Variants in DPH6 observed in about 807,000 individuals in gnomAD.
DPH6 encodes diphthine--ammonia ligase.
A neutral mutation model predicts 38.2 loss-of-function variants in DPH6; 33 were observed. The ratio of observed to expected loss-of-function variants is 0.86; its 90% CI spans 0.65 to 1.15. DPH6 has a LOEUF of 1.15. Ranked by LOEUF, DPH6 falls within the 50% of genes most tolerant of loss-of-function variation. The probability of loss-of-function intolerance (pLI) is 0.00; values close to 1 mark genes in which losing one functional copy is unlikely to be tolerated. For synonymous variants in DPH6, 108 were observed against 103.0 expected (o/e 1.05, Z -0.30); for missense variants, 325 against 320.0 (o/e 1.02, Z -0.12).
At chr15:35,185,724 C>CTTTTTTTT in the DPH6 span, among the ~76,000 whole-genome samples, 8 of 83,012 alleles carry the variant, frequency 9.6e-5, no homozygotes, top group African/African-American at 2.9e-4. Flanking sequence ...CCAATCCACT[C>CTTTTTTTT]TTTTTTTTTT....
At chr15:35,224,123 T>C (rs997712474) in intron 3 of DPH6, among the ~76,000 whole-genome samples, 11 of 144,744 alleles carry the variant, frequency 7.6e-5, no homozygotes, top group Non-Finnish European at 1.6e-4. Context: ...TTTTTTTTTT[T>C]TGAGACCAAG....
At chr15:35,252,543 G>C (rs318329) in intron 3 of DPH6, among the ~76,000 whole-genome samples, 84,013 of 152,104 alleles carry the variant, frequency 0.55, 26,823 homozygotes, top group Non-Finnish European at 0.73. Context: ...GCATCTTGTG[G>C]GACTAGTGAT....
intron 3 of DPH6, among the ~76,000 whole-genome samples, chr15:35,304,787 G>A (rs60271390): frequency 0.028 from 4,167 of 150,746 alleles, 169 homozygotes; most frequent in African/African-American, 0.09. Flanking sequence ...GAAGCTATTT[G>A]GATGGTAAAA....
At chr15:35,206,892 T>C in the DPH6 span, among the ~76,000 whole-genome samples, 1 of 152,010 alleles carries the variant, frequency 6.6e-6, no homozygotes, top group Non-Finnish European at 1.5e-5. Flanking sequence ...CCCATAAGCC[T>C]CCTTTCCCCG....
chr15:35,435,363 G>C (rs771852104), intron 5 of DPH6, among the ~76,000 whole-genome samples: 1 of 152,126 alleles, frequency 6.6e-6, no homozygotes, highest in African/African-American at 2.4e-5. Context: ...ACAACTGTTC[G>C]AATGGCTTCA....
chr15:35,538,234 C>T, intron 3 of DPH6, 40 bp downstream of exon 3: 1 of 1,369,578 alleles, frequency 7.3e-7, no homozygotes, highest in Non-Finnish European at 9.6e-7. Flanking sequence ...TGTTAAATTA[C>T]ACACTAAATC....
chr15:35,346,780 T>C (rs1391005237), intron 3 of DPH6, among the ~76,000 whole-genome samples: 3 of 152,160 alleles, frequency 2.0e-5, no homozygotes, highest in Non-Finnish European at 4.4e-5. Context: ...GCTTTAATAT[T>C]ACTTCACAAT....
chr15:35,216,231 T>C (rs928241555), downstream of DPH6, among the ~76,000 whole-genome samples: 9 of 152,216 alleles, frequency 5.9e-5, no homozygotes, highest in Non-Finnish European at 8.8e-5. Flanking sequence ...TGTCTGTATA[T>C]AGAATGCTTA....
At chr15:35,307,975 G>T (rs762546439) in intron 3 of DPH6, among the ~76,000 whole-genome samples, 2 of 152,084 alleles carry the variant, frequency 1.3e-5, no homozygotes, top group Non-Finnish European at 2.9e-5. Flanking sequence ...AACCTCTGAG[G>T]AAATAAAAAC....
chr15:35,145,176 G>T, the DPH6 span, among the ~76,000 whole-genome samples: 2 of 152,148 alleles, frequency 1.3e-5, no homozygotes, highest in African/African-American at 2.4e-5. Context: ...GAAAACCAAA[G>T]TCATTTATAA....
At chr15:35,546,036 A>G (rs1566948205) in intron 1 of DPH6, 83 bp downstream of exon 1, 1 of 1,211,878 alleles carries the variant, frequency 8.3e-7, no homozygotes, top group Non-Finnish European at 1.1e-6. Flanking sequence ...AGACGGAGAC[A>G]CCCACTCTTT....
chr15:35,320,263 T>C (rs2140842828), intron 3 of DPH6, among the ~76,000 whole-genome samples: 1 of 152,334 alleles, frequency 6.6e-6, no homozygotes. Context: ...CCTCTCTCTC[T>C]GGTTCTTATA....
intron 3 of DPH6, among the ~76,000 whole-genome samples, chr15:35,321,050 C>T (rs1356047372): frequency 6.6e-6 from 1 of 152,180 alleles, no homozygotes; most frequent in Non-Finnish European, 1.5e-5. Context: ...GGGGAAGTCA[C>T]AAATCTTGTG....
Position 35,241,190 on chromosome 15 carries a change from C to T in DPH6, n.201-20608G>A, listed in dbSNP as rs533820047. 1.9e-3 allele frequency among the ~76,000 whole-genome samples: 271 copies of T among 143,824 alleles called. 22 individuals carry two copies. The highest frequency in any genetic ancestry group is 5.9e-3 in the African/African-American group (235 of 39,810). The allele number at this position is 143,824 out of a possible 152,430, so 94.4% of individuals were successfully genotyped here. A position where few individuals can be genotyped will look rare whatever the true frequency, so the allele number is the denominator to read the frequency against. Reference sequence around the variant, plus strand: ...ACTCCCAGAGCCCCTGGAACTCTGGCCCAAGGCTCTCTGACTGACTCCTTC... The same window carrying T: ...ACTCCCAGAGCCCCTGGAACTCTGGTCCAAGGCTCTCTGACTGACTCCTTC... On this transcript the variant is annotated intron_variant and non_coding_transcript_variant, in intron 3 of 3. Coordinates refer to the DPH6 transcript ENST00000560386.
At chr15:35,539,403 C>T (rs563940252) in intron 2 of DPH6, among the ~76,000 whole-genome samples, 1 of 151,760 alleles carries the variant, frequency 6.6e-6, no homozygotes, top group Admixed American at 6.6e-5. Flanking sequence ...TAATAGGTAT[C>T]GGATGATAAA....
At chr15:35,280,763 AAATCTT>A (rs1234147178) in intron 3 of DPH6, among the ~76,000 whole-genome samples, 3 of 152,192 alleles carry the variant, frequency 2.0e-5, no homozygotes, top group Non-Finnish European at 2.9e-5. Context: ...TTGAGGATAA[AAATCTT>A]ATGAAGTCTC....
At chr15:35,175,579 G>C in the DPH6 span, among the ~76,000 whole-genome samples, 1 of 152,102 alleles carries the variant, frequency 6.6e-6, no homozygotes, top group Non-Finnish European at 1.5e-5. Flanking sequence ...AAATCTCAGA[G>C]AGTACTGTTT....
At chr15:35,403,601 C>T (rs965491779) in intron 6 of DPH6, among the ~76,000 whole-genome samples, 1 of 152,002 alleles carries the variant, frequency 6.6e-6, no homozygotes, top group Non-Finnish European at 1.5e-5. Flanking sequence ...GCCTCGACTT[C>T]CTGGACTCAG....
rs148635329 is a variant in DPH6, at chr15:35,486,109, C to T, written c.313-31289G>A. Among the ~76,000 whole-genome samples, 1,496 of 152,238 alleles carry T rather than the reference C, an allele frequency of 9.8e-3. 19 individuals are homozygous for T. Among genetic ancestry groups the T allele is most frequent in the African/African-American group, 0.034 (1,429 of 41,534 alleles). ...CACAGTTCCACTTTGTTGGGAAAGC[C>T]TCAGGAAACTTACAATTATGGCAGA... On this transcript the variant is annotated intron_variant, in intron 3 of 8. Coordinates refer to ENST00000256538, the MANE Select transcript of DPH6 (RefSeq NM_080650.4).
Sources: allele counts gnomAD v4.1 joint callset (sites outside exome capture counted in the v4.1 genomes callset), GRCh38; gene constraint gnomAD v4.1.1; transcripts MANE v1.5; gene names NCBI Gene and HGNC (gene_info 2026-07-23, HGNC 2026-07-21).